Variants in PACSIN2 observed in about 807,000 individuals in gnomAD.
PACSIN2 encodes the protein protein kinase C and casein kinase substrate in neurons 2, also known as protein kinase C and casein kinase substrate in neurons protein 2.
In PACSIN2, 25 loss-of-function variants were observed where a neutral mutation model predicts 63.8. The observed-to-expected ratio is 0.39, with a 90% CI of 0.29 to 0.55. PACSIN2 has a LOEUF of 0.55. Among genes scored for constraint, PACSIN2 ranks in the 20% least tolerant of loss-of-function variants. The pLI, the probability that PACSIN2 is intolerant of heterozygous loss-of-function variation, is 0.62. For synonymous variants in PACSIN2, 255 were observed against 256.2 expected, an observed-to-expected ratio of 1.00 and a Z score of 0.05; for missense variants, 518 against 646.9, an observed-to-expected ratio of 0.80 and a Z score of 2.16.
At chr22:42,888,842 C>T (rs1929688323) in intron 4 of PACSIN2, 44 bp from the exon 5 acceptor site, 3 of 1,599,548 alleles carry the variant, frequency 1.9e-6, no homozygotes, top group East Asian at 4.5e-5. Context: ...ACTGGGAGTT[C>T]AGGATCCTCA....
chr22:42,916,011 T>C (rs1159469996), intron 1 of PACSIN2, among the ~76,000 whole-genome samples: 1 of 152,156 alleles, frequency 6.6e-6, no homozygotes, highest in African/African-American at 2.4e-5. Flanking sequence ...GAGGTGCCTG[T>C]GGGGAAGGCC....
chr22:42,951,859 CCA>C (rs66459725), intron 1 of PACSIN2, among the ~76,000 whole-genome samples: 13,631 of 152,206 alleles, frequency 0.09, 2,048 homozygotes, highest in African/African-American at 0.31. Context: ...CTTCCAATCC[CCA>C]CACCCTGGAC....
chr22:42,918,135 C>T (rs1931934448), intron 1 of PACSIN2, among the ~76,000 whole-genome samples: 1 of 152,112 alleles, frequency 6.6e-6, no homozygotes, highest in African/African-American at 2.4e-5. Flanking sequence ...TGGGCATGAC[C>T]CCATCCTGAG....
intron 7 of PACSIN2, chr22:42,880,511 C>G (rs570948134): frequency 5.9e-4 from 90 of 152,344 alleles, no homozygotes; most frequent in African/African-American, 2.0e-3. Context: ...GCAGCCTCAG[C>G]TGAACTGCTA....
chr22:42,936,327 C>T (rs1247031252), intron 1 of PACSIN2, among the ~76,000 whole-genome samples: 1 of 152,158 alleles, frequency 6.6e-6, no homozygotes, highest in African/African-American at 2.4e-5. Context: ...ACCTGTCTCT[C>T]ATCTGGCAAA....
chr22:42,906,537 G>A (rs1266618972), intron 2 of PACSIN2, among the ~76,000 whole-genome samples: 1 of 152,338 alleles, frequency 6.6e-6, no homozygotes, highest in East Asian at 1.9e-4. Context: ...GGACGACAAA[G>A]TCTATCTGAA....
At chr22:42,915,990 G>A (rs1401908328) in intron 1 of PACSIN2, among the ~76,000 whole-genome samples, 5 of 152,228 alleles carry the variant, frequency 3.3e-5, no homozygotes, top group East Asian at 1.9e-4. Context: ...AGTCAGTGAC[G>A]TAATGCAGAC....
rs186038829 is a variant in PACSIN2 at position 42,976,357 on chromosome 22, A to G, written c.-78+38664T>C. Among the ~76,000 whole-genome samples the G allele has an allele frequency of 2.5e-3, 381 of 152,390 alleles. 3 individuals carry two copies. The highest frequency in any genetic ancestry group is 8.7e-3 in the African/African-American group (361 of 41,588). On this transcript the variant is annotated intron_variant, in intron 1 of 10. Coordinates refer to ENST00000263246, the MANE Select transcript of PACSIN2 (RefSeq NM_001184970.3). ...CTGGTGAAAGGCCACTGGCAAGCGC[A>G]GGCCTTAATGCACACTTGCTCCAGA...
chr22:42,931,657 G>A (rs1932781091), intron 1 of PACSIN2, among the ~76,000 whole-genome samples: 1 of 152,228 alleles, frequency 6.6e-6, no homozygotes, highest in Non-Finnish European at 1.5e-5. Flanking sequence ...TAAACTTGAT[G>A]AGTTTCTCAT....
chr22:42,871,147 C>A lies in PACSIN2; in HGVS notation c.*210G>T, dbSNP rs143185556. On this transcript the variant is annotated 3_prime_UTR_variant, in exon 11 of 11. Coordinates refer to ENST00000263246, the MANE Select transcript of PACSIN2 (RefSeq NM_001184970.3). The surrounding 1 kb of genome is among the most constrained non-coding windows in gnomAD (Gnocchi z 5.4). ...AGGGGCGGCTATTTCTGTTGTTCTG[C>A]GTCTTCCTGCGCTCAGATCCCTCCA... 7 of 587,936 alleles carry A rather than the reference C, an allele frequency of 1.2e-5. No homozygotes were observed. In the Admixed American group the frequency reaches 1.7e-4, roughly 15 times the overall value. The allele number at this position is 587,936 out of a possible 1,614,324, so 36.4% of individuals were successfully genotyped here.
At position 42,877,621 on chromosome 22, in the gene PACSIN2, G is replaced by A. The variant is rs115558763; in HGVS notation, c.1029-611C>T. ...GGTGCTCCAGAGGGAAAATCCAGTC[G>A]TGCAACTGCCTACTGTTTGCCAGGC... On this transcript the variant is annotated intron_variant, in intron 8 of 10. Transcript: ENST00000263246. Among the ~76,000 whole-genome samples the A allele has an allele frequency of 4.9e-3, 749 of 152,314 alleles. 1 individual carries two copies. Among genetic ancestry groups the A allele is most frequent in the African/African-American group, 0.016 (646 of 41,564 alleles).
At chr22:42,950,791 C>T (rs1316912780) in intron 1 of PACSIN2, among the ~76,000 whole-genome samples, 1 of 152,222 alleles carries the variant, frequency 6.6e-6, no homozygotes, top group Non-Finnish European at 1.5e-5. Context: ...AAATGTAATG[C>T]AGCCTTACTT....
intron 5 of PACSIN2, among the ~76,000 whole-genome samples, chr22:42,885,907 C>T (rs1366619641): frequency 1.3e-5 from 2 of 152,200 alleles, no homozygotes; most frequent in Non-Finnish European, 2.9e-5. Context: ...TTCCCCTATT[C>T]CCCACAGCCA....
At chr22:42,950,800 T>C (rs1322403201) in intron 1 of PACSIN2, among the ~76,000 whole-genome samples, 4 of 152,244 alleles carry the variant, frequency 2.6e-5, no homozygotes, top group Non-Finnish European at 4.4e-5. Context: ...GCAGCCTTAC[T>C]TACCGTATGC....
intron 1 of PACSIN2, among the ~76,000 whole-genome samples, chr22:42,920,720 C>T (rs1322018910): frequency 2.0e-5 from 3 of 150,960 alleles, no homozygotes; most frequent in Non-Finnish European, 4.4e-5. Context: ...AGGGTAGGAA[C>T]GCCAAGCTCA....
rs182537367 is a variant in PACSIN2 at position 42,942,289 on chromosome 22, A to T, written c.-77-30132T>A. 2.0e-3 allele frequency among the ~76,000 whole-genome samples: 297 copies of T among 152,056 alleles called. 1 individual carries two copies. The highest frequency in any genetic ancestry group is 6.9e-3 in the African/African-American group (286 of 41,482). On this transcript the variant is annotated intron_variant, in intron 1 of 10. Transcript: ENST00000263246. ...ATCTTTATCAGATATATGATTTGAA[A>T]CTATTTTCTTCCATTCTGAGTTGTC...
Position 42,991,026 on chromosome 22 carries a change from C to A in PACSIN2, c.-78+23995G>T, listed in dbSNP as rs116068201. ...ACGGGTTCTATACACAAAGTGCTTA[C>A]AGCAGAAGAAAGCTCCATCACTTTT... On this transcript the variant is annotated intron_variant, in intron 1 of 10. Transcript: ENST00000263246. 4.3e-3 allele frequency among the ~76,000 whole-genome samples: 653 copies of A among 152,302 alleles called. 8 individuals carry two copies. The highest frequency in any genetic ancestry group is 0.015 in the African/African-American group (611 of 41,560).
At chr22:42,874,522 A>C (rs946467544) in intron 10 of PACSIN2, among the ~76,000 whole-genome samples, 1 of 152,198 alleles carries the variant, frequency 6.6e-6, no homozygotes, top group Non-Finnish European at 1.5e-5. Flanking sequence ...GTGTGCACAC[A>C]CACAAGTTGC....
At chr22:42,951,910 C>A (rs1933710935) in intron 1 of PACSIN2, among the ~76,000 whole-genome samples, 1 of 152,202 alleles carries the variant, frequency 6.6e-6, no homozygotes, top group African/African-American at 2.4e-5. Context: ...TCCAGATGCA[C>A]CAGACTCGGC....
Sources: gnomAD v4.1 joint callset for allele counts (sites outside exome capture counted in the v4.1 genomes callset) on GRCh38, gnomAD v4.1.1 for gene constraint, Gnocchi (gnomAD v3.1) non-coding constraint, MANE v1.5 for transcripts, NCBI Gene and HGNC (gene_info 2026-07-23, HGNC 2026-07-21) for gene names.